Variants in MNT observed in about 807,000 individuals in gnomAD.
The protein encoded by MNT is max-binding protein MNT.
A neutral mutation model predicts 40.7 loss-of-function variants in MNT; 13 were observed. That is an observed-to-expected ratio of 0.32 (90% CI 0.21 to 0.51). The LOEUF is 0.51. Among genes scored for constraint, MNT ranks in the 20% least tolerant of loss-of-function variants. MNT has a pLI of 0.98. For synonymous variants in MNT, 426 were observed against 354.8 expected (o/e 1.20, Z -2.26); for missense variants, 757 against 792.0 (o/e 0.96, Z 0.53).
chr17:2,387,201 A>T lies in MNT; in HGVS notation c.1449T>A (p.Pro483=). 6.2e-7 allele frequency: 1 copy of T among 1,608,126 alleles called. No homozygotes were observed. The highest frequency in any genetic ancestry group is 8.5e-7 in the Non-Finnish European group (1 of 1,178,096). Reference sequence around the variant, plus strand: ...TGATGTGCCCAATGGGGGGTGTGGCAGGCGCCAGTTGCACCGCAGGGCTGG... The same window carrying T: ...TGATGTGCCCAATGGGGGGTGTGGCTGGCGCCAGTTGCACCGCAGGGCTGG... ...SAPSPAVQLA[P]ATPPIGHITV... Residue 483 remains proline, a synonymous_variant, in exon 6 of 6, where the codon CCT becomes CCA. Coordinates refer to ENST00000174618, the MANE Select transcript of MNT (RefSeq NM_020310.3).
rs764750453 is a variant in MNT at position 2,395,047 on chromosome 17, C to T, written c.481G>A (p.Gly161Ser). Residue 161 changes from glycine to serine, a missense_variant, in exon 2 of 6, where the codon GGC becomes AGC. Transcript: ENST00000174618. ...PDSKATIPPN[G>S]SPKPLQPLPT... ...AGGGGCTGCAAAGGCTTGGGGCTGCCATTGGGTGGAATGGTGGCCTTCGAG... is the reference window on the plus strand; with the variant it reads ...AGGGGCTGCAAAGGCTTGGGGCTGCTATTGGGTGGAATGGTGGCCTTCGAG... 6.3e-7 allele frequency: 1 copy of T among 1,577,042 alleles called. No homozygotes were observed. Among genetic ancestry groups the T allele is most frequent in the South Asian group, 1.2e-5 (1 of 85,430 alleles).
chr17:2,386,626 C>T lies in MNT; in HGVS notation c.*275G>A. ...GATTTCCGAGGGTAGGGAGGGGAAG[C>T]AGGAGCGGCACTGGAGCTGGCACTG... On this transcript the variant is annotated 3_prime_UTR_variant, in exon 6 of 6. Coordinates refer to ENST00000174618, the MANE Select transcript of MNT (RefSeq NM_020310.3). The T allele has an allele frequency of 2.4e-6, 1 of 412,994 alleles. No homozygotes were observed. Among genetic ancestry groups the T allele is most frequent in the Non-Finnish European group, 4.3e-6 (1 of 232,516 alleles). The allele number at this position is 412,994 out of a possible 1,614,324, so 25.6% of individuals were successfully genotyped here. A position where few individuals can be genotyped will look rare whatever the true frequency, so the allele number is the denominator to read the frequency against.
At chr17:2,399,849 C>T (rs1225704964) in intron 1 of MNT, among the ~76,000 whole-genome samples, 1 of 152,216 alleles carries the variant, frequency 6.6e-6, no homozygotes, top group African/African-American at 2.4e-5. Context: ...ACGCCACATT[C>T]CACACTGGCT....
At chr17:2,395,589 C>A in intron 1 of MNT, 135 bp from the exon 2 acceptor site, 1 of 1,454,964 alleles carries the variant, frequency 6.9e-7, no homozygotes, top group South Asian at 1.4e-5. Flanking sequence ...AAATAGCCTA[C>A]CAGCCCAGCC....
chr17:2,398,804 G>A (rs2066594191), intron 1 of MNT, among the ~76,000 whole-genome samples: 1 of 152,192 alleles, frequency 6.6e-6, no homozygotes, highest in African/African-American at 2.4e-5. Context: ...GTCACCAGGG[G>A]CACTCTCCAC....
rs542812415 is a variant in MNT, at chr17:2,386,750, A to C, written c.*151T>G. 2.7e-6 allele frequency: 2 copies of C among 731,412 alleles called. No individual in the cohort carries two copies. The highest frequency in any genetic ancestry group is 4.1e-5 in the African/African-American group (2 of 48,538). The allele number at this position is 731,412 out of a possible 1,614,324, so 45.3% of individuals were successfully genotyped here. A position where few individuals can be genotyped will look rare whatever the true frequency, so the allele number is the denominator to read the frequency against. ...GGGTGGCCCTTCCCTCCCTTGGCTC[A>C]GAGTCTTTGCACCCCCTTCCCCTAG... On this transcript the variant is annotated 3_prime_UTR_variant, in exon 6 of 6. Coordinates refer to ENST00000174618, the MANE Select transcript of MNT (RefSeq NM_020310.3).
Position 2,388,159 on chromosome 17 carries a change from A to G in MNT, c.808-110T>C. 2.8e-6 allele frequency: 3 copies of G among 1,067,200 alleles called. No individual in the cohort carries two copies. In the South Asian group the frequency reaches 4.8e-5, roughly 17 times the overall value. 66.1% of individuals were successfully genotyped at this position (1,067,200 alleles called of 1,614,324 possible). A position where few individuals can be genotyped will look rare whatever the true frequency, so the allele number is the denominator to read the frequency against. ...GGCCCACAGAGGCAAGTCCGTGGCA[A>G]CCAGCGGGCCCAGCCTGACGGGGGC... On this transcript the variant is annotated intron_variant, in intron 4 of 5. Transcript: ENST00000174618.
chr17:2,391,604 C>G (rs2066515177), intron 4 of MNT: 1 of 152,300 alleles, frequency 6.6e-6, no homozygotes, highest in Non-Finnish European at 1.5e-5. Context: ...TTTCTTGTCT[C>G]TGTCCACTTT....
chr17:2,389,577 C>G (rs908704827), intron 4 of MNT: 1 of 152,274 alleles, frequency 6.6e-6, no homozygotes, highest in African/African-American at 2.4e-5. Flanking sequence ...GCCCGGCCTA[C>G]TAGTGTTTTA....
Position 2,387,041 on chromosome 17 carries a change from G to T in MNT, c.1609C>A (p.Pro537Thr). ...QQVNGTAGLG[P>T]PATVMAKPAV... ...GGCTTTGCCATGACAGTAGCCGGGG[G>T]CCCCAGGCCGGCCGTGCCGTTGACT... The change falls in exon 6 of 6, where the codon CCC (proline) becomes ACC (threonine). Residue 537 changes from proline (P) to threonine (T), a missense_variant. Pro to Thr is a conservative substitution (Grantham distance 38). Coordinates refer to ENST00000174618, the MANE Select transcript of MNT (RefSeq NM_020310.3). 1 of 1,554,348 alleles carries T rather than the reference G, an allele frequency of 6.4e-7. No individual in the cohort carries two copies. The highest frequency in any genetic ancestry group is 8.7e-7 in the Non-Finnish European group (1 of 1,148,732).
chr17:2,393,615 C>T (rs1269726941), intron 4 of MNT: 1 of 152,578 alleles, frequency 6.6e-6, no homozygotes, highest in Non-Finnish European at 1.5e-5. Flanking sequence ...CCCAACCCTC[C>T]CCGCAGATAG....
intron 2 of MNT, 98 bp from the exon 3 acceptor site, chr17:2,394,444 T>TC: frequency 6.4e-7 from 1 of 1,555,742 alleles, no homozygotes; most frequent in East Asian, 2.2e-5. Flanking sequence ...AGGCTGTTTG[T>TC]CCCCAACACT....
chr17:2,394,206 G>C (rs759679917), intron 3 of MNT, 52 bp from the exon 4 acceptor site: 2 of 1,599,476 alleles, frequency 1.3e-6, no homozygotes, highest in Non-Finnish European at 1.7e-6. Flanking sequence ...GGGCTGGGAC[G>C]GGGGGAGGCA....
intron 1 of MNT, among the ~76,000 whole-genome samples, chr17:2,397,197 C>T (rs2066584247): frequency 6.6e-6 from 1 of 152,204 alleles, no homozygotes; most frequent in Non-Finnish European, 1.5e-5. Context: ...AGGCCTGCTC[C>T]AGTGCGGGGA....
intron 4 of MNT, 66 bp from the exon 5 acceptor site, chr17:2,388,115 A>G: frequency 6.9e-7 from 1 of 1,441,078 alleles, no homozygotes; most frequent in Non-Finnish European, 9.4e-7. Flanking sequence ...AAGCCCCCAC[A>G]AACCTCTCCC....
chr17:2,400,792 C>A lies in MNT; in HGVS notation c.-80G>T. 5 of 1,286,272 alleles carry A rather than the reference C, an allele frequency of 3.9e-6. No homozygotes were observed. The highest frequency in any genetic ancestry group is 4.1e-6 in the Non-Finnish European group (4 of 972,578). 79.7% of individuals were successfully genotyped at this position (1,286,272 alleles called of 1,614,324 possible). ...GGCACAGGTCAGGCTGGCGGGCAGG[C>A]AGGAGGGAGGGATCACCTCCGGGGG... On this transcript the variant is annotated 5_prime_UTR_variant, in exon 1 of 6. Coordinates refer to ENST00000174618, the MANE Select transcript of MNT (RefSeq NM_020310.3).
In MNT at chr17:2,384,544, T is replaced by C. The variant is rs2066438584; in HGVS notation, c.*2357A>G. Reference sequence around the variant, plus strand: ...AGGACTCCCAGCCAGTGAGCCACTCTGAACATCAAAAGGTAAAACACGCAT... The same window carrying C: ...AGGACTCCCAGCCAGTGAGCCACTCCGAACATCAAAAGGTAAAACACGCAT... On this transcript the variant is annotated 3_prime_UTR_variant, in exon 6 of 6. Coordinates refer to ENST00000174618, the MANE Select transcript of MNT (RefSeq NM_020310.3). 1 of 152,560 alleles carries C rather than the reference T, an allele frequency of 6.6e-6. No individual in the cohort carries two copies. The highest frequency in any genetic ancestry group is 1.5e-5 in the Non-Finnish European group (1 of 68,138). 9.5% of individuals were successfully genotyped at this position (152,560 alleles called of 1,614,324 possible).
In MNT at chr17:2,387,550, G is replaced by A. The variant is rs776740717; in HGVS notation, c.1100C>T (p.Thr367Ile). The stretch of plus-strand genomic sequence containing the variant: ...AGGGGTGGTGCTGGGGGGTGGCAGG[G>A]TGGACTTCAGCAGCTCCGGCTGGGG... ...HRPQPELLKS[T>I]LPPPSTTPAP... Residue 367 changes from threonine to isoleucine, a missense_variant, in exon 6 of 6, where the codon ACC becomes ATC. By Grantham distance (89) the Thr-to-Ile change is moderately conservative (BLOSUM62 -1). This residue lies in a region of MNT where 345 missense variants were observed against 380.1 expected (regional missense o/e 0.91). Transcript: ENST00000174618. 2 of 1,613,936 alleles carry A rather than the reference G, an allele frequency of 1.2e-6. No individual in the cohort carries two copies. The highest frequency in any genetic ancestry group is 2.2e-5 in the East Asian group (1 of 44,878).
At position 2,386,624 on chromosome 17, in the gene MNT, A is replaced by C; in HGVS notation, c.*277T>G. ...CTGATTTCCGAGGGTAGGGAGGGGA[A>C]GCAGGAGCGGCACTGGAGCTGGCAC... On this transcript the variant is annotated 3_prime_UTR_variant, in exon 6 of 6. Coordinates refer to ENST00000174618, the MANE Select transcript of MNT (RefSeq NM_020310.3). 1.0e-5 allele frequency: 4 copies of C among 398,196 alleles called. No individual in the cohort carries two copies. The highest frequency in any genetic ancestry group is 1.3e-5 in the Non-Finnish European group (3 of 222,892). 24.7% of individuals were successfully genotyped at this position (398,196 alleles called of 1,614,324 possible). A position where few individuals can be genotyped will look rare whatever the true frequency, so the allele number is the denominator to read the frequency against.
Sources: allele counts gnomAD v4.1 joint callset (sites outside exome capture counted in the v4.1 genomes callset), GRCh38; gene constraint gnomAD v4.1.1; regional missense constraint gnomAD v4.1.1; transcripts MANE v1.5; gene names NCBI Gene and HGNC (gene_info 2026-07-23, HGNC 2026-07-21).